SAMD15: variants seen among roughly 807,000 people sequenced by gnomAD.
SAMD15 encodes the protein sterile alpha motif domain-containing protein 15.
SAMD15 carries 37 observed loss-of-function variants against 50.5 expected under a neutral mutation model. The observed-to-expected ratio is 0.73, with a 90% CI of 0.56 to 0.96. The LOEUF is 0.96. SAMD15 is among the 40% of genes least tolerant of loss of function. The probability of loss-of-function intolerance (pLI) is 0.00; values close to 1 mark genes in which losing one functional copy is unlikely to be tolerated. For missense variants in SAMD15, 789 were observed against 783.8 expected (o/e 1.01, Z -0.08); for synonymous variants, 255 against 282.8 (o/e 0.90, Z 0.99).
rs1287187894 is a variant in SAMD15, at chr14:77,391,902, A to C, written c.*658A>C. On this transcript the variant is annotated 3_prime_UTR_variant, in exon 3 of 3. Coordinates refer to ENST00000216471, the MANE Select transcript of SAMD15 (RefSeq NM_001010860.4). ...AGCCCTGTCTCTACTAAAAATACAA[A>C]AATTAGCTGGGCATGGTGGCACATG... is the stretch of plus-strand genomic sequence containing the variant. Among the ~76,000 whole-genome samples the C allele has an allele frequency of 2.0e-5, 3 of 152,044 alleles. No individual in the cohort carries two copies. Among genetic ancestry groups the C allele is most frequent in the Non-Finnish European group, 4.4e-5 (3 of 68,010 alleles).
rs1045573490 is a variant in SAMD15 at position 77,378,870 on chromosome 14, A to G, written c.1452A>G (p.Lys484=). Residue 484 remains lysine (K), a synonymous_variant, in exon 1 of 3, where the codon AAA becomes AAG. Coordinates refer to ENST00000216471, the MANE Select transcript of SAMD15 (RefSeq NM_001010860.4). Reference sequence around the variant, plus strand: ...ATGAGTTTTTGCAACCACTCCAAAAATTGCTTAATGTCAGTGAAGAATGCT... The same window carrying G: ...ATGAGTTTTTGCAACCACTCCAAAAGTTGCTTAATGTCAGTGAAGAATGCT... ...THYEFLQPLQ[K]LLNVSEECSY... 9.3e-6 allele frequency: 15 copies of G among 1,613,956 alleles called. No homozygotes were observed. Among genetic ancestry groups the G allele is most frequent in the Non-Finnish European group, 1.3e-5 (15 of 1,179,984 alleles).
rs1325382233 is a variant in SAMD15, at chr14:77,380,427, C to T, written c.1734C>T (p.His578=). Residue 578 remains histidine, a synonymous_variant, in exon 2 of 3, where the codon CAC becomes CAT. Coordinates refer to ENST00000216471, the MANE Select transcript of SAMD15 (RefSeq NM_001010860.4). ...TNFISGRKLI[H]VNCSNLPQMG... is the part of the protein sequence containing the mutation. ...TCATCAGTGGCCGAAAACTCATTCA[C>T]GTCAACTGCTCAAACCTCCCTCAGA... is the stretch of plus-strand genomic sequence containing the variant. The T allele has an allele frequency of 2.4e-5, 38 of 1,613,756 alleles. No individual in the cohort carries two copies. The highest frequency in any genetic ancestry group is 3.1e-5 in the Non-Finnish European group (36 of 1,179,832).
chr14:77,391,330 T>A lies in SAMD15; in HGVS notation c.*86T>A. 3 of 185,242 alleles carry A rather than the reference T, an allele frequency of 1.6e-5. No individual in the cohort carries two copies. Among genetic ancestry groups the A allele is most frequent in the Non-Finnish European group, 2.6e-5 (3 of 115,240 alleles). 11.5% of individuals were successfully genotyped at this position (185,242 alleles called of 1,614,324 possible). On this transcript the variant is annotated 3_prime_UTR_variant, in exon 3 of 3. Transcript: ENST00000216471. ...GTCTTTTTTGGTTTTCTTTTTCTCC[T>A]TTTTTTTTTTTTTATTTTTTTGAGA...
intron 1 of SAMD15, among the ~76,000 whole-genome samples, chr14:77,379,486 C>T (rs1469476490): frequency 6.6e-6 from 1 of 151,922 alleles, no homozygotes; most frequent in South Asian, 2.1e-4. Context: ...CCCAGGTTCA[C>T]GCCATTCTCC....
At position 77,377,463 on chromosome 14, in the gene SAMD15, T is replaced by C. The variant is rs773891318; in HGVS notation, c.45T>C (p.Asp15=). 104 of 1,613,618 alleles carry C rather than the reference T, an allele frequency of 6.4e-5. No homozygotes were observed. The highest frequency in any genetic ancestry group is 8.1e-5 in the Non-Finnish European group (95 of 1,179,906). The part of the protein sequence containing the change: ...PEDYDSGPDE[D]GELEPERPEL... The stretch of plus-strand genomic sequence containing the variant: ...ATTATGATTCCGGCCCAGATGAAGA[T>C]GGAGAGCTGGAGCCTGAGAGGCCTG... Residue 15 remains aspartate (D), a synonymous_variant, in exon 1 of 3, where the codon GAT becomes GAC. Transcript: ENST00000216471.
At chr14:77,388,579 CTT>C (rs993844988) in intron 2 of SAMD15, among the ~76,000 whole-genome samples, 2 of 144,688 alleles carry the variant, frequency 1.4e-5, no homozygotes, top group Non-Finnish European at 3.0e-5. Context: ...TCACGACTGG[CTT>C]TTTTTTTTTC....
At chr14:77,381,919 G>GT (rs1056472346) in intron 2 of SAMD15, among the ~76,000 whole-genome samples, 2 of 151,848 alleles carry the variant, frequency 1.3e-5, no homozygotes, top group South Asian at 2.1e-4. Flanking sequence ...CAGATAATAC[G>GT]TTTTTTCTGT....
chr14:77,390,869 G>A (rs977914223), intron 2 of SAMD15, 139 bp from the exon 3 acceptor site: 11 of 663,580 alleles, frequency 1.7e-5, no homozygotes, highest in Admixed American at 5.0e-5. Flanking sequence ...CAGCCTGGGC[G>A]ACAGAGCAAG....
In SAMD15 at chr14:77,378,248, G is replaced by C. The variant is rs1893880708; in HGVS notation, c.830G>C (p.Gly277Ala). 6.2e-7 allele frequency: 1 copy of C among 1,613,998 alleles called. No homozygotes were observed. The highest frequency in any genetic ancestry group is 2.2e-5 in the East Asian group (1 of 44,868). ...CCAAGAAAGTCTAGTGAGGAGGCAG[G>C]TCTAGAGCCTCCAGAAGAGACTCAA... ...KEPRKSSEEAGLEPPEETQPE... is the reference protein window; with the variant it reads ...KEPRKSSEEAALEPPEETQPE... The change falls in exon 1 of 3, where the codon GGT becomes GCT. Residue 277 changes from glycine to alanine, a missense_variant. This residue lies in a region of SAMD15 where 770 missense variants were observed against 745.4 expected (regional missense o/e 1.03). Coordinates refer to ENST00000216471, the MANE Select transcript of SAMD15 (RefSeq NM_001010860.4).
At chr14:77,390,288 G>C (rs1894057198) in intron 2 of SAMD15, among the ~76,000 whole-genome samples, 1 of 152,046 alleles carries the variant, frequency 6.6e-6, no homozygotes, top group African/African-American at 2.4e-5. Flanking sequence ...GAGCCACCAT[G>C]CTCGGCCCTG....
intron 2 of SAMD15, among the ~76,000 whole-genome samples, chr14:77,384,005 C>T (rs551773589): frequency 1.5e-5 from 2 of 137,694 alleles, no homozygotes; most frequent in Admixed American, 7.1e-5. Flanking sequence ...AAAAAAAAAC[C>T]TGATTATGCT....
intron 2 of SAMD15, among the ~76,000 whole-genome samples, chr14:77,383,182 GCT>G (rs1359567838): frequency 6.6e-6 from 1 of 152,120 alleles, no homozygotes. Context: ...GGAACAGGCT[GCT>G]CTGCCTACGG....
At chr14:77,388,027 A>G (rs1365674844) in intron 2 of SAMD15, among the ~76,000 whole-genome samples, 1 of 152,244 alleles carries the variant, frequency 6.6e-6, no homozygotes, top group Non-Finnish European at 1.5e-5. Context: ...TGCATGACAG[A>G]GCAAGACCTT....
At chr14:77,387,342 G>A (rs988688434) in intron 2 of SAMD15, among the ~76,000 whole-genome samples, 20 of 152,090 alleles carry the variant, frequency 1.3e-4, no homozygotes, top group African/African-American at 4.8e-4. Flanking sequence ...ATGCTGAGGT[G>A]GGAGGATCAC....
In SAMD15 at chr14:77,378,365, A is replaced by C. The variant is rs1321765540; in HGVS notation, c.947A>C (p.Lys316Thr). 1 of 1,613,428 alleles carries C rather than the reference A, an allele frequency of 6.2e-7. No homozygotes were observed. Among genetic ancestry groups the C allele is most frequent in the Non-Finnish European group, 8.5e-7 (1 of 1,179,876 alleles). Residue 316 changes from lysine to threonine, a missense_variant, in exon 1 of 3, where the codon AAG becomes ACG. Around this residue, in one of 2 missense-constraint regions of SAMD15, gnomAD observed 770 missense variants for 745.4 expected, o/e 1.03. Coordinates refer to ENST00000216471, the MANE Select transcript of SAMD15 (RefSeq NM_001010860.4). ...ERTKPDFPDH[K>T]PRKSTDENVP... ...ACTAAACCAGACTTTCCAGACCACA[A>C]GCCAAGAAAGTCTACTGATGAGAAC...
At chr14:77,383,372 C>T (rs947561050) in intron 2 of SAMD15, among the ~76,000 whole-genome samples, 2 of 152,132 alleles carry the variant, frequency 1.3e-5, no homozygotes, top group Non-Finnish European at 2.9e-5. Context: ...TCATTCAGCT[C>T]CCTTGGTATT....
rs766272566 is a variant in SAMD15, at chr14:77,391,208, T to G, written c.1989T>G (p.Pro663=). ...LQDYAPEITA[P]EENEELPCTE... ...ATTATGCTCCAGAAATAACTGCCCCTGAAGAGAATGAGGAATTACCTTGCA... is the reference window on the plus strand; with the variant it reads ...ATTATGCTCCAGAAATAACTGCCCCGGAAGAGAATGAGGAATTACCTTGCA... Residue 663 remains proline, a synonymous_variant, in exon 3 of 3, where the codon CCT becomes CCG. Coordinates refer to ENST00000216471, the MANE Select transcript of SAMD15 (RefSeq NM_001010860.4). 4.1e-5 allele frequency: 66 copies of G among 1,613,430 alleles called. No homozygotes were observed. The highest frequency in any genetic ancestry group is 5.5e-5 in the Non-Finnish European group (65 of 1,179,438).
At chr14:77,384,480 G>C (rs1893982509) in intron 2 of SAMD15, among the ~76,000 whole-genome samples, 1 of 151,918 alleles carries the variant, frequency 6.6e-6, no homozygotes, top group Non-Finnish European at 1.5e-5. Context: ...TTTATTTTTG[G>C]GGTTATAACC....
At chr14:77,382,079 G>C (rs949399672) in intron 2 of SAMD15, among the ~76,000 whole-genome samples, 44 of 151,650 alleles carry the variant, frequency 2.9e-4, no homozygotes, top group Admixed American at 7.2e-4. Context: ...TGGGACTACA[G>C]GTGTGCGCAA....
Sources: allele counts gnomAD v4.1 joint callset (sites outside exome capture counted in the v4.1 genomes callset), GRCh38; gene constraint gnomAD v4.1.1; regional missense constraint gnomAD v4.1.1; transcripts MANE v1.5; gene names NCBI Gene and HGNC (gene_info 2026-07-23, HGNC 2026-07-21).